ABCA7: variants seen among roughly 807,000 people sequenced by gnomAD.
ABCA7 encodes ATP binding cassette subfamily A member 7, also known as phospholipid-transporting ATPase ABCA7.
ABCA7 carries 261 observed loss-of-function variants against 227.6 expected under a neutral mutation model. The ratio of observed to expected loss-of-function variants is 1.15; its 90% CI spans 1.04 to 1.27. The LOEUF is 1.27. ABCA7 is among the 50% of genes most tolerant of loss of function. The probability of loss-of-function intolerance (pLI) is 0.00; values close to 1 mark genes in which losing one functional copy is unlikely to be tolerated. For synonymous variants in ABCA7, 1,488 were observed against 1,279.7 expected, an observed-to-expected ratio of 1.16 and a Z score of -3.47; for missense variants, 3,331 against 2,924.5, an observed-to-expected ratio of 1.14 and a Z score of -3.21.
Position 1,051,548 on chromosome 19 carries a change from GC to G in ABCA7, c.2926del (p.Arg976AlafsTer16). On this transcript the variant is annotated frameshift_variant, in exon 21 of 47. Coordinates refer to ENST00000263094, the MANE Select transcript of ABCA7 (RefSeq NM_019112.4). LOFTEE classifies it high-confidence loss of function. ...ACGGCTGGCGTGGATCCTGCTTCCC[GC>G]CGCGGTATTTGGGAGCTGCTGCTCA... ...EPTAGVDPAS[R>X]RGIWELLLKY... 2 of 1,612,600 alleles carry G rather than the reference GC, an allele frequency of 1.2e-6. No homozygotes were observed. Among genetic ancestry groups the G allele is most frequent in the Non-Finnish European group, 1.7e-6 (2 of 1,179,880 alleles).
At chr19:1,046,700 C>T (rs1344819685) in intron 13 of ABCA7, 102 bp from the exon 14 acceptor site, 1 of 1,292,850 alleles carries the variant, frequency 7.7e-7, no homozygotes, top group Non-Finnish European at 1.1e-6. Flanking sequence ...GCAAATCTTC[C>T]CGCCTTGAGA....
chr19:1,048,518 A>AAAAAAAAAAAAG (rs1568291519), intron 16 of ABCA7, among the ~76,000 whole-genome samples: 1 of 141,096 alleles, frequency 7.1e-6, no homozygotes, highest in Admixed American at 7.2e-5. Flanking sequence ...AACAAAAAAA[A>AAAAAAAAAAAAG]AAAAAACAAG....
chr19:1,049,073 C>G, intron 17 of ABCA7, 68 bp downstream of exon 17: 2 of 975,030 alleles, frequency 2.1e-6, no homozygotes, highest in Non-Finnish European at 3.1e-6. Flanking sequence ...AACGAGATTC[C>G]ACAGATGCCA....
In ABCA7 at chr19:1,065,028, C is replaced by T; in HGVS notation, c.6142C>T (p.Arg2048Cys). ...GGCCGAGTTCCCTGGGGCGGAGCTG[C>T]GCGAGGCACATGGAGGCCGCCTGCG... ...VAAEFPGAELREAHGGRLRFQ... is the reference protein window; with the variant it reads ...VAAEFPGAELCEAHGGRLRFQ... Residue 2048 changes from arginine (R) to cysteine (C), a missense_variant, in exon 46 of 47, where the codon CGC (arginine) becomes TGC (cysteine). By Grantham distance (180) the Arg-to-Cys change is radical (BLOSUM62 -3). Transcript: ENST00000263094. 1 of 1,556,250 alleles carries T rather than the reference C, an allele frequency of 6.4e-7. No homozygotes were observed. The highest frequency in any genetic ancestry group is 8.7e-7 in the Non-Finnish European group (1 of 1,152,296).
Position 1,057,322 on chromosome 19 carries a change from C to T in ABCA7, c.4773C>T (p.Tyr1591=), listed in dbSNP as rs200446651. The T allele has an allele frequency of 6.2e-7, 1 of 1,613,974 alleles. No individual in the cohort carries two copies. Among genetic ancestry groups the T allele is most frequent in the East Asian group, 2.2e-5 (1 of 44,892 alleles). ...TGCCATCTCCAATGCAGTGTAACTA[C>T]TTGGTGCCAGCATGCATCGTGGTGC... ...LGNFLWDMCN[Y]LVPACIVVLI... is the part of the protein sequence containing the mutation. Residue 1591 remains tyrosine, a synonymous_variant, in exon 35 of 47, where the codon TAC becomes TAT. Coordinates refer to ENST00000263094, the MANE Select transcript of ABCA7 (RefSeq NM_019112.4).
chr19:1,050,124 A>G (rs1419518788), intron 18 of ABCA7, among the ~76,000 whole-genome samples: 3 of 150,626 alleles, frequency 2.0e-5, no homozygotes, highest in Non-Finnish European at 4.4e-5. Flanking sequence ...GTCTCAAAAT[A>G]AATAGGGCGG....
chr19:1,045,234 C>G lies in ABCA7; in HGVS notation c.1445+3C>G, dbSNP rs1340749808. 4 of 1,584,122 alleles carry G rather than the reference C, an allele frequency of 2.5e-6. No homozygotes were observed. The highest frequency in any genetic ancestry group is 3.5e-6 in the Non-Finnish European group (4 of 1,157,706). Reference sequence around the variant, plus strand: ...AGGACCAATAAGATCAGGGACAGGTCAGGCGAGGGAGGGGGCGGGGGGATG... The same window carrying G: ...AGGACCAATAAGATCAGGGACAGGTGAGGCGAGGGAGGGGGCGGGGGGATG... On this transcript the variant is annotated splice_donor_region_variant and intron_variant, in intron 12 of 46. Transcript: ENST00000263094.
Position 1,058,127 on chromosome 19 carries a change from G to A in ABCA7, c.5026-19G>A, listed in dbSNP as rs79335712. The A allele has an allele frequency of 2.0e-3, 3,274 of 1,613,926 alleles. 57 individuals are homozygous for A. In the African/African-American group the frequency reaches 0.036, roughly 18 times the overall value. On this transcript the variant is annotated intron_variant, in intron 36 of 46. Transcript: ENST00000263094. Reference sequence around the variant, plus strand: ...TGGACTCAGCCCCTGACCAACATCCGTCTCCCACCCTTGAGCAGAAGCTGC... The same window carrying A: ...TGGACTCAGCCCCTGACCAACATCCATCTCCCACCCTTGAGCAGAAGCTGC...
In ABCA7 at chr19:1,047,449, G is replaced by T. The variant is rs114260315; in HGVS notation, c.2068-4G>T. 3 of 1,541,478 alleles carry T rather than the reference G, an allele frequency of 1.9e-6. No individual in the cohort carries two copies. Among genetic ancestry groups the T allele is most frequent in the Non-Finnish European group, 2.6e-6 (3 of 1,146,542 alleles). On this transcript the variant is annotated splice_polypyrimidine_tract_variant and splice_region_variant and intron_variant, in intron 15 of 46. Transcript: ENST00000263094. Reference sequence around the variant, plus strand: ...CCGCTCACTGACCGCCCGCTTTTCCGCAGAGCCTGCTGTCGCCCGTGGCCT... The same window carrying T: ...CCGCTCACTGACCGCCCGCTTTTCCTCAGAGCCTGCTGTCGCCCGTGGCCT...
At chr19:1,051,623 G>C in intron 21 of ABCA7, 37 bp downstream of exon 21, 1 of 1,586,758 alleles carries the variant, frequency 6.3e-7, no homozygotes, top group Non-Finnish European at 8.6e-7. Flanking sequence ...GGCCAGAAAA[G>C]GCTTCTGACA....
intron 40 of ABCA7, among the ~76,000 whole-genome samples, chr19:1,061,472 G>A (rs142036475): frequency 2.8e-4 from 43 of 150,908 alleles, no homozygotes; most frequent in African/African-American, 1.0e-3. Context: ...CAAGGCAGGC[G>A]GATCACAAGG....
Position 1,041,940 on chromosome 19 carries a change from G to A in ABCA7, c.270G>A (p.Glu90=). 6.3e-7 allele frequency: 1 copy of A among 1,590,722 alleles called. No individual in the cohort carries two copies. The highest frequency in any genetic ancestry group is 8.5e-7 in the Non-Finnish European group (1 of 1,174,262). ...TCFPQLTPGE[E]PGRLSNFNDS... is the part of the protein sequence containing the mutation. ...TTCCGCAGCTGACACCGGGCGAGGA[G>A]CCCGGGCGCCTGAGCAACTTCAACG... is the stretch of plus-strand genomic sequence containing the variant. Residue 90 remains glutamate, a synonymous_variant, in exon 4 of 47, where the codon GAG becomes GAA. Transcript: ENST00000263094.
At chr19:1,049,198 G>C (rs1599612330) in intron 17 of ABCA7, 68 bp from the exon 18 acceptor site, 2 of 1,519,670 alleles carry the variant, frequency 1.3e-6, no homozygotes, top group East Asian at 2.3e-5. Flanking sequence ...CCACAGCCCA[G>C]CTCTGAGGGA....
chr19:1,042,521 G>A (rs758805228), intron 6 of ABCA7, 124 bp downstream of exon 6: 4 of 1,273,546 alleles, frequency 3.1e-6, no homozygotes, highest in African/African-American at 1.5e-5. Flanking sequence ...TGGTCTCTGC[G>A]GTGATGCTGC....
At chr19:1,060,207 A>ATATATATATATATATTTTTTT in intron 40 of ABCA7, among the ~76,000 whole-genome samples, 1 of 96,770 alleles carries the variant, frequency 1.0e-5, no homozygotes, top group African/African-American at 3.5e-5. Flanking sequence ...ATATATATAT[A>ATATATATATATATATTTTTTT]TTTTTTTTTC....
rs775661442 is a variant in ABCA7, at chr19:1,055,302, A to G, written c.4156A>G (p.Asn1386Asp). ...GEVVQNLTGR[N>D]LSDFLVKTYP... Reference sequence around the variant, plus strand: ...AGTGGTTCAGAACCTGACAGGCCGGAACCTGTCTGACTTCCTGGTCAAGAC... The same window carrying G: ...AGTGGTTCAGAACCTGACAGGCCGGGACCTGTCTGACTTCCTGGTCAAGAC... Residue 1386 changes from asparagine to aspartate, a missense_variant, in exon 30 of 47, where the codon AAC becomes GAC. By Grantham distance (23) the Asn-to-Asp change is conservative. Transcript: ENST00000263094. 6.2e-7 allele frequency: 1 copy of G among 1,604,378 alleles called. No individual in the cohort carries two copies. Among genetic ancestry groups the G allele is most frequent in the Admixed American group, 1.7e-5 (1 of 59,538 alleles).
At chr19:1,055,801 T>C (rs1434274298) in intron 30 of ABCA7, 106 bp from the exon 31 acceptor site, 2 of 1,255,778 alleles carry the variant, frequency 1.6e-6, no homozygotes, top group Admixed American at 5.2e-5. Flanking sequence ...CGCGCCCGGC[T>C]TTCTTTCCTG....
rs1182752249 is a variant in ABCA7 at position 1,056,198 on chromosome 19, C to T, written c.4371C>T (p.Asn1457=). The T allele has an allele frequency of 7.5e-6, 12 of 1,604,990 alleles. No homozygotes were observed. The highest frequency in any genetic ancestry group is 1.0e-5 in the Non-Finnish European group (12 of 1,177,270). ...GGGCCCTCGACCGTGTCCTGAAAAA[C>T]CTCACAGCCTGGGCTCACAGCCTGG... ...PGGALDRVLK[N]LTAWAHSLDA... The change falls in exon 32 of 47, where the codon AAC becomes AAT. Residue 1457 remains asparagine, a synonymous_variant. Coordinates refer to ENST00000263094, the MANE Select transcript of ABCA7 (RefSeq NM_019112.4). This position sits in a 1 kb window ranked among gnomAD's most constrained non-coding sequence, Gnocchi z 4.3.
rs924892167 is a variant in ABCA7, at chr19:1,055,983, C to T, written c.4238+44C>T. 1.9e-6 allele frequency: 3 copies of T among 1,567,384 alleles called. No individual in the cohort carries two copies. The East Asian group carries it at 6.8e-5, about 35-fold the overall frequency. ...TGGGGTCCCCTGCCCCAGTTCCACT[C>T]CCATGCCCTCTGCCTGCCCCCTGGG... On this transcript the variant is annotated intron_variant, in intron 31 of 46. Coordinates refer to ENST00000263094, the MANE Select transcript of ABCA7 (RefSeq NM_019112.4).
Sources: allele counts gnomAD v4.1 joint callset (sites outside exome capture counted in the v4.1 genomes callset), GRCh38; gene constraint gnomAD v4.1.1; non-coding constraint Gnocchi (gnomAD v3.1); transcripts MANE v1.5; gene names NCBI Gene and HGNC (gene_info 2026-07-23, HGNC 2026-07-21).